Variants in CCR9 observed in about 807,000 individuals in gnomAD.
CCR9 encodes C-C chemokine receptor type 9.
Under a neutral mutation model 8.7 loss-of-function variants are expected in CCR9, and 4 were observed. The ratio of observed to expected loss-of-function variants is 0.46; its 90% confidence interval spans 0.23 to 1.06. CCR9 has a LOEUF of 1.06. Among genes scored for constraint, CCR9 ranks in the 50% least tolerant of loss-of-function variants. The pLI, the probability that CCR9 is intolerant of heterozygous loss-of-function variation, is 0.21. For synonymous variants in CCR9, 159 were observed against 168.8 expected (o/e 0.94, Z 0.45); for missense variants, 394 against 453.6 (o/e 0.87, Z 1.19).
At position 45,901,700 on chromosome 3, in the gene CCR9, C is replaced by T; in HGVS notation, c.912C>T (p.Thr304=). Residue 304 remains threonine (T), a synonymous_variant, in exon 3 of 3, where the codon ACC becomes ACT. Coordinates refer to ENST00000357632, the MANE Select transcript of CCR9 (RefSeq NM_031200.3). This position sits in a 1 kb window ranked among gnomAD's most constrained non-coding sequence, Gnocchi z 4.3. ...ACATCTGCTTCCAGGTCACCCAGAC[C>T]ATCGCCTTCTTCCACAGTTGCCTGA... is the stretch of plus-strand genomic sequence containing the variant. ...NIDICFQVTQ[T]IAFFHSCLNP... 1 of 1,614,152 alleles carries T rather than the reference C, an allele frequency of 6.2e-7. No homozygotes were observed. The highest frequency in any genetic ancestry group is 8.5e-7 in the Non-Finnish European group (1 of 1,179,970).
chr3:45,895,486 G>A (rs1362608339), intron 2 of CCR9, among the ~76,000 whole-genome samples: 3 of 152,180 alleles, frequency 2.0e-5, no homozygotes, highest in Non-Finnish European at 2.9e-5. Context: ...AGAGGCGGGC[G>A]GATCACCTGG....
In CCR9 at chr3:45,888,308, C is replaced by T. The variant is rs6783694; in HGVS notation, c.-29+1653C>T. The stretch of plus-strand genomic sequence containing the variant: ...CCATGCTCTTCGGCCTTCAAGGACC[C>T]GCAAAAATGTCACCTCTTCAATGAA... On this transcript the variant is annotated intron_variant, in intron 1 of 2. Coordinates refer to ENST00000357632, the MANE Select transcript of CCR9 (RefSeq NM_031200.3). Among the ~76,000 whole-genome samples, 1,491 of 152,204 alleles carry T rather than the reference C, an allele frequency of 9.8e-3. 28 individuals carry two copies. Among genetic ancestry groups the T allele is most frequent in the African/African-American group, 0.033 (1,381 of 41,508 alleles).
rs1407114304 is a variant in CCR9, at chr3:45,902,545, C to T, written c.*647C>T. 1 of 167,198 alleles carries T rather than the reference C, an allele frequency of 6.0e-6. No homozygotes were observed. The highest frequency in any genetic ancestry group is 1.5e-5 in the Non-Finnish European group (1 of 68,220). The allele number at this position is 167,198 out of a possible 1,614,324, so 10.4% of individuals were successfully genotyped here. A position where few individuals can be genotyped will look rare whatever the true frequency, so the allele number is the denominator to read the frequency against. ...TGAACCCCTGGACAACTGACCACAC[C>T]CACAAGGCATCCAAAGTCTGTTGGC... is the stretch of plus-strand genomic sequence containing the variant. On this transcript the variant is annotated 3_prime_UTR_variant, in exon 3 of 3. Transcript: ENST00000357632.
At chr3:45,890,968 C>T (rs188199648) in intron 1 of CCR9, among the ~76,000 whole-genome samples, 8 of 152,248 alleles carry the variant, frequency 5.3e-5, no homozygotes, top group East Asian at 3.9e-4. Context: ...CATAGAAACA[C>T]GGCTGGGAGG....
chr3:45,901,233 G>A lies in CCR9; in HGVS notation c.445G>A (p.Ala149Thr), dbSNP rs1252320878. 6.2e-7 allele frequency: 1 copy of A among 1,614,160 alleles called. No individual in the cohort carries two copies. The highest frequency in any genetic ancestry group is 1.1e-5 in the South Asian group (1 of 91,076). ...CISVDRYIAI[A>T]QAMRAHTWRE... ...CAGCGTGGACAGGTACATTGCCATT[G>A]CCCAGGCCATGAGAGCACATACTTG... The change falls in exon 3 of 3, where the codon GCC (alanine) becomes ACC (threonine). Residue 149 changes from alanine (A) to threonine (T), a missense_variant. Transcript: ENST00000357632. The surrounding 1 kb of genome is among the most constrained non-coding windows in gnomAD (Gnocchi z 4.3).
intron 2 of CCR9, among the ~76,000 whole-genome samples, chr3:45,898,019 A>G (rs1357591536): frequency 1.3e-5 from 2 of 149,688 alleles, no homozygotes; most frequent in African/African-American, 4.9e-5. Flanking sequence ...ACACCAACCC[A>G]CAAATAACAA....
Position 45,901,090 on chromosome 3 carries a change from T to A in CCR9, c.302T>A (p.Leu101His), listed in dbSNP as rs1358327237. 11 of 1,614,098 alleles carry A rather than the reference T, an allele frequency of 6.8e-6. No individual in the cohort carries two copies. The highest frequency in any genetic ancestry group is 1.3e-5 in the African/African-American group (1 of 74,938). ...AIADLLFLVT[L>H]PFWAIAAADQ... is the part of the protein sequence containing the mutation. Reference sequence around the variant, plus strand: ...GCTGACCTCCTCTTTCTTGTCACTCTTCCCTTCTGGGCCATTGCTGCTGCT... The same window carrying A: ...GCTGACCTCCTCTTTCTTGTCACTCATCCCTTCTGGGCCATTGCTGCTGCT... The change falls in exon 3 of 3, where the codon CTT (leucine) becomes CAT (histidine). Residue 101 changes from leucine (L) to histidine (H), a missense_variant. Coordinates refer to ENST00000357632, the MANE Select transcript of CCR9 (RefSeq NM_031200.3). The surrounding 1 kb of genome is among the most constrained non-coding windows in gnomAD (Gnocchi z 4.3).
At position 45,894,923 on chromosome 3, in the gene CCR9, A is replaced by T. The variant is rs1379665939; in HGVS notation, c.-11A>T. ...TTTTCCAGGAGCAGGCTTGCATCTG[A>T]CTGACCCACCATGACACCCACAGAC... On this transcript the variant is annotated 5_prime_UTR_variant, in exon 2 of 3. Coordinates refer to ENST00000357632, the MANE Select transcript of CCR9 (RefSeq NM_031200.3). 6.2e-7 allele frequency: 1 copy of T among 1,613,838 alleles called. No individual in the cohort carries two copies. The highest frequency in any genetic ancestry group is 8.5e-7 in the Non-Finnish European group (1 of 1,179,906).
chr3:45,902,018 G>A lies in CCR9; in HGVS notation c.*120G>A. On this transcript the variant is annotated 3_prime_UTR_variant, in exon 3 of 3. Coordinates refer to ENST00000357632, the MANE Select transcript of CCR9 (RefSeq NM_031200.3). ...AGAAAACTCAGAAAGGGATGAATCT[G>A]AACTATATGATTACTTGTAGTCAGA... is the stretch of plus-strand genomic sequence containing the variant. 2.4e-6 allele frequency: 2 copies of A among 826,354 alleles called. No individual in the cohort carries two copies. The highest frequency in any genetic ancestry group is 3.9e-5 in the South Asian group (2 of 50,756). The allele number at this position is 826,354 out of a possible 1,614,324, so 51.2% of individuals were successfully genotyped here. A position where few individuals can be genotyped will look rare whatever the true frequency, so the allele number is the denominator to read the frequency against.
chr3:45,900,777 C>A lies in CCR9; in HGVS notation c.22-33C>A, dbSNP rs2125760777. The A allele has an allele frequency of 1.3e-6, 2 of 1,577,130 alleles. No individual in the cohort carries two copies. The highest frequency in any genetic ancestry group is 2.7e-5 in the African/African-American group (2 of 74,282). On this transcript the variant is annotated intron_variant, in intron 2 of 2. Transcript: ENST00000357632. This position sits in a 1 kb window ranked among gnomAD's most constrained non-coding sequence, Gnocchi z 4.7. ...CAGACAGGACCTTCAAAATATTTTC[C>A]TTGACCTAATGCCATCTTGTGTCCC...
At chr3:45,896,399 C>A (rs1702357755) in intron 2 of CCR9, among the ~76,000 whole-genome samples, 1 of 152,174 alleles carries the variant, frequency 6.6e-6, no homozygotes, top group Non-Finnish European at 1.5e-5. Flanking sequence ...CCCCTGTGGC[C>A]CTGACTCCCA....
At chr3:45,895,252 G>A (rs753144076) in intron 2 of CCR9, 62 of 462,248 alleles carry the variant, frequency 1.3e-4, no homozygotes, top group Middle Eastern at 1.1e-3. Context: ...CCATATGCCT[G>A]TTCTAAAACT....
In CCR9 at chr3:45,901,478, G is replaced by A; in HGVS notation, c.690G>A (p.Met230Ile). 6.2e-7 allele frequency: 1 copy of A among 1,614,158 alleles called. No individual in the cohort carries two copies. The highest frequency in any genetic ancestry group is 8.5e-7 in the Non-Finnish European group (1 of 1,180,034). The change falls in exon 3 of 3, where the codon ATG becomes ATA. Residue 230 changes from methionine to isoleucine, a missense_variant. Physicochemically the swap from Met to Ile is conservative, Grantham distance 10. Coordinates refer to ENST00000357632, the MANE Select transcript of CCR9 (RefSeq NM_031200.3). This position sits in a 1 kb window ranked among gnomAD's most constrained non-coding sequence, Gnocchi z 4.3. Reference sequence around the variant, plus strand: ...GGTTCTTCCTTCCCTTCGTGGTCATGGCTTGCTGCTATACCATCATCATTC... The same window carrying A: ...GGTTCTTCCTTCCCTTCGTGGTCATAGCTTGCTGCTATACCATCATCATTC... ...ILGFFLPFVV[M>I]ACCYTIIIHT...
Position 45,901,905 on chromosome 3 carries a change from T to C in CCR9, c.*7T>C. Reference sequence around the variant, plus strand: ...AGGAGCACTCTCCCTCTGAGGGGTCTTCTCTGAGGTGCATGGTTCTTTTGG... The same window carrying C: ...AGGAGCACTCTCCCTCTGAGGGGTCCTCTCTGAGGTGCATGGTTCTTTTGG... On this transcript the variant is annotated 3_prime_UTR_variant, in exon 3 of 3. Coordinates refer to ENST00000357632, the MANE Select transcript of CCR9 (RefSeq NM_031200.3). This position sits in a 1 kb window ranked among gnomAD's most constrained non-coding sequence, Gnocchi z 4.3. 4 of 1,560,240 alleles carry C rather than the reference T, an allele frequency of 2.6e-6. No individual in the cohort carries two copies. Among genetic ancestry groups the C allele is most frequent in the Non-Finnish European group, 3.5e-6 (4 of 1,151,098 alleles).
At chr3:45,888,269 C>T (rs942886814) in intron 1 of CCR9, among the ~76,000 whole-genome samples, 2 of 152,172 alleles carry the variant, frequency 1.3e-5, no homozygotes, top group African/African-American at 4.8e-5. Context: ...GTTCCCTCCC[C>T]TCGTTGCATG....
intron 1 of CCR9, among the ~76,000 whole-genome samples, chr3:45,891,948 G>A (rs1461587800): frequency 1.3e-5 from 2 of 152,142 alleles, no homozygotes; most frequent in African/African-American, 4.8e-5. Context: ...TAGGACAAAT[G>A]TGACACTGGT....
At chr3:45,890,420 C>T (rs1217791842) in intron 1 of CCR9, among the ~76,000 whole-genome samples, 1 of 136,752 alleles carries the variant, frequency 7.3e-6, no homozygotes, top group Non-Finnish European at 1.5e-5. Flanking sequence ...CCGTATTCCC[C>T]AAGCTGTAAT....
rs765295949 is a variant in CCR9 at position 45,901,662 on chromosome 3, TC to T, written c.876del (p.Thr293ProfsTer20). 61 of 1,613,878 alleles carry T rather than the reference TC, an allele frequency of 3.8e-5. No homozygotes were observed. The highest frequency in any genetic ancestry group is 5.2e-5 in the Non-Finnish European group (61 of 1,179,820). Reference sequence around the variant, plus strand: ...CATGTTCATCTCCAACTGTGCCGTTTCCACCAACATTGACATCTGCTTCCAG... The same window carrying T: ...CATGTTCATCTCCAACTGTGCCGTTTCACCAACATTGACATCTGCTTCCAG... ...YAMFISNCAV[S>X]TNIDICFQVT... is the part of the protein sequence containing the mutation. On this transcript the variant is annotated frameshift_variant, in exon 3 of 3. Transcript: ENST00000357632. LOFTEE classifies it high-confidence loss of function. This position sits in a 1 kb window ranked among gnomAD's most constrained non-coding sequence, Gnocchi z 4.3.
chr3:45,896,044 G>A (rs952507010), intron 2 of CCR9, among the ~76,000 whole-genome samples: 1 of 152,198 alleles, frequency 6.6e-6, no homozygotes, highest in Non-Finnish European at 1.5e-5. Context: ...TGATTCATTA[G>A]TATTACATAT....
Sources: gnomAD v4.1 joint callset for allele counts (sites outside exome capture counted in the v4.1 genomes callset) on GRCh38, gnomAD v4.1.1 for gene constraint, Gnocchi (gnomAD v3.1) non-coding constraint, MANE v1.5 for transcripts, NCBI Gene and HGNC (gene_info 2026-07-23, HGNC 2026-07-21) for gene names.